PRR11: variants seen among roughly 807,000 people sequenced by gnomAD.
PRR11 encodes the protein proline-rich protein 11.
Under a neutral mutation model 45.6 loss-of-function variants are expected in PRR11, and 30 were observed. That is an observed-to-expected ratio of 0.66 (90% CI 0.49 to 0.89). The LOEUF (loss-of-function observed/expected upper bound fraction) is 0.89. Ranked by LOEUF, PRR11 falls within the 40% of genes least tolerant of loss-of-function variation. The pLI, the probability that PRR11 is intolerant of heterozygous loss-of-function variation, is 0.00. For missense variants in PRR11, 373 were observed against 424.8 expected (o/e 0.88, Z 1.07); for synonymous variants, 128 against 153.5 (o/e 0.83, Z 1.23).
In PRR11 at chr17:59,194,768, A is replaced by G. The variant is rs775830287; in HGVS notation, c.657A>G (p.Leu219=). The G allele has an allele frequency of 6.2e-7, 1 of 1,610,062 alleles. No individual in the cohort carries two copies. The highest frequency in any genetic ancestry group is 1.7e-5 in the Admixed American group (1 of 59,566). ...CCATGTATTTTAAGGCTGGACCATT[A>G]AAAAAAGATGGACCCATGCAGATAA... is the stretch of plus-strand genomic sequence containing the variant. ...SLAKALQAGP[L]KKDGPMQITV... Residue 219 remains leucine, a synonymous_variant, in exon 6 of 10, where the codon TTA becomes TTG. Coordinates refer to ENST00000262293, the MANE Select transcript of PRR11 (RefSeq NM_018304.4).
chr17:59,164,648 T>C (rs1177806400), intron 1 of PRR11, among the ~76,000 whole-genome samples: 2 of 151,932 alleles, frequency 1.3e-5, no homozygotes, highest in Non-Finnish European at 1.5e-5. Flanking sequence ...CTATAGAAGG[T>C]CCTGGCCGTA....
At position 59,185,489 on chromosome 17, in the gene PRR11, G is replaced by A. The variant is rs140473884; in HGVS notation, c.329G>A (p.Arg110Gln). ...ATCTTTCCATCTCGTATCTGCCACC[G>A]AGAACTTTACAGTGTAAAACAACAG... ...DTIFPSRICHRELYSVKQQFC... is the reference protein window; with the variant it reads ...DTIFPSRICHQELYSVKQQFC... The change falls in exon 4 of 10, where the codon CGA becomes CAA. Residue 110 changes from arginine (R) to glutamine (Q), a missense_variant. By Grantham distance (43) the Arg-to-Gln change is conservative. Transcript: ENST00000262293. The A allele has an allele frequency of 3.1e-5, 50 of 1,611,220 alleles. No individual in the cohort carries two copies. Among genetic ancestry groups the A allele is most frequent in the East Asian group, 6.7e-5 (3 of 44,836 alleles).
intron 4 of PRR11, among the ~76,000 whole-genome samples, chr17:59,190,862 C>G (rs1160786772): frequency 1.3e-5 from 2 of 152,206 alleles, no homozygotes; most frequent in African/African-American, 4.8e-5. Flanking sequence ...AGTATCCTGA[C>G]CAGATCACGT....
intron 4 of PRR11, among the ~76,000 whole-genome samples, chr17:59,188,276 C>T (rs185058018): frequency 6.6e-6 from 1 of 152,218 alleles, no homozygotes. Flanking sequence ...ACAGAACAAA[C>T]AAATCAAAGA....
intron 5 of PRR11, 83 bp from the exon 6 acceptor site, chr17:59,194,674 G>T: frequency 9.6e-7 from 1 of 1,037,498 alleles, no homozygotes; most frequent in Non-Finnish European, 1.4e-6. Context: ...TTAACTCTGA[G>T]TCTTTAAAAA....
chr17:59,190,669 TGTC>T (rs2046836652), intron 4 of PRR11, among the ~76,000 whole-genome samples: 1 of 152,188 alleles, frequency 6.6e-6, no homozygotes, highest in Non-Finnish European at 1.5e-5. Context: ...CAAATGATAT[TGTC>T]AACATTCTGG....
rs575329638 is a variant in PRR11 at position 59,188,942 on chromosome 17, A to T, written c.402+3380A>T. Among the ~76,000 whole-genome samples the T allele has an allele frequency of 6.2e-5, 9 of 144,344 alleles. No individual in the cohort carries two copies. The East Asian group carries it at 8.0e-4, about 13-fold the overall frequency. 94.7% of individuals were successfully genotyped at this position (144,344 alleles called of 152,430 possible). On this transcript the variant is annotated intron_variant, in intron 4 of 9. Coordinates refer to ENST00000262293, the MANE Select transcript of PRR11 (RefSeq NM_018304.4). ...GCAACAGAGCATGACTGTGTCTCAA[A>T]AATAATAATAATAATAATAATAATA...
rs2046893899 is a variant in PRR11 at position 59,201,838 on chromosome 17, G to A, written c.*207G>A. ...ATACAGAAATTAGCTGGGCATAGTG[G>A]CGGGTGCCTGTAATCCCAGCTATGC... is the stretch of plus-strand genomic sequence containing the variant. On this transcript the variant is annotated 3_prime_UTR_variant, in exon 10 of 10. Transcript: ENST00000262293. 3.9e-6 allele frequency: 2 copies of A among 516,142 alleles called. No individual in the cohort carries two copies. Among genetic ancestry groups the A allele is most frequent in the Non-Finnish European group, 7.0e-6 (2 of 285,716 alleles). The allele number at this position is 516,142 out of a possible 1,614,324, so 32.0% of individuals were successfully genotyped here.
chr17:59,168,921 C>T (rs1278845317), intron 1 of PRR11, among the ~76,000 whole-genome samples: 2 of 151,882 alleles, frequency 1.3e-5, no homozygotes, highest in African/African-American at 4.8e-5. Flanking sequence ...TCCTCCTTGT[C>T]AGGGATAATA....
At position 59,202,472 on chromosome 17, in the gene PRR11, G is replaced by T. The variant is rs1165292405; in HGVS notation, c.*841G>T. 1 of 152,070 alleles carries T rather than the reference G, an allele frequency of 6.6e-6. No homozygotes were observed. The highest frequency in any genetic ancestry group is 1.5e-5 in the Non-Finnish European group (1 of 68,022). 9.4% of individuals were successfully genotyped at this position (152,070 alleles called of 1,614,324 possible). On this transcript the variant is annotated 3_prime_UTR_variant, in exon 10 of 10. Transcript: ENST00000262293. ...TCCCAGCTACTTAGGAAGCTGAGAA[G>T]GGAGGATCACTTGAGGCTGTAGTGC...
chr17:59,180,129 T>C (rs2046773519), intron 2 of PRR11, among the ~76,000 whole-genome samples: 1 of 106,406 alleles, frequency 9.4e-6, no homozygotes, highest in South Asian at 2.9e-4. Flanking sequence ...AGTCTCTCCT[T>C]TTTTTTTTTT....
intron 1 of PRR11, among the ~76,000 whole-genome samples, chr17:59,162,684 T>C (rs919802271): frequency 2.0e-5 from 3 of 151,976 alleles, no homozygotes; most frequent in South Asian, 4.2e-4. Context: ...GTAGGCACTA[T>C]ATAAATTTAG....
At chr17:59,161,853 CATT>C (rs1225464565) in intron 1 of PRR11, among the ~76,000 whole-genome samples, 2 of 152,142 alleles carry the variant, frequency 1.3e-5, no homozygotes, top group Non-Finnish European at 2.9e-5. Flanking sequence ...TTGTAGGTCT[CATT>C]ATGCTTTTGG....
intron 2 of PRR11, among the ~76,000 whole-genome samples, chr17:59,175,519 TG>T (rs995840074): frequency 6.6e-6 from 1 of 152,152 alleles, no homozygotes; most frequent in African/African-American, 2.4e-5. Context: ...CCCAGCAATT[TG>T]GGAGGCTGAA....
At chr17:59,185,282 C>G in intron 3 of PRR11, 78 bp downstream of exon 3, 2 of 1,543,132 alleles carry the variant, frequency 1.3e-6, no homozygotes, top group Non-Finnish European at 1.8e-6. Flanking sequence ...GTGCTCAAGT[C>G]AGTCCAACCC....
intron 2 of PRR11, among the ~76,000 whole-genome samples, chr17:59,171,011 G>A (rs1406271621): frequency 1.3e-5 from 2 of 152,160 alleles, no homozygotes; most frequent in East Asian, 3.8e-4. Context: ...CGTAATCCTA[G>A]CACTTTGGGA....
chr17:59,196,351 G>A (rs1456379690), intron 7 of PRR11, among the ~76,000 whole-genome samples: 1 of 151,938 alleles, frequency 6.6e-6, no homozygotes, highest in Non-Finnish European at 1.5e-5. Context: ...ATTTCTGAAA[G>A]CAACCTGTTT....
intron 2 of PRR11, among the ~76,000 whole-genome samples, chr17:59,180,501 T>TTTTTTTTTTG (rs541780941): frequency 0.021 from 2,484 of 116,134 alleles, 108 homozygotes; most frequent in African/African-American, 0.081. Context: ...TCCTTGTTTT[T>TTTTTTTTTTG]TTTTTTTTGT....
intron 1 of PRR11, among the ~76,000 whole-genome samples, chr17:59,169,343 C>T (rs991701119): frequency 2.2e-4 from 34 of 152,038 alleles, no homozygotes; most frequent in Non-Finnish European, 5.9e-5. Context: ...GGTGATTCAC[C>T]CGCCTCGGCC....
Sources: allele counts gnomAD v4.1 joint callset (sites outside exome capture counted in the v4.1 genomes callset), GRCh38; gene constraint gnomAD v4.1.1; transcripts MANE v1.5; gene names NCBI Gene and HGNC (gene_info 2026-07-23, HGNC 2026-07-21).